The following MACC1 variants were observed in gnomAD, a reference collection of about 807,000 sequenced individuals.
MACC1 encodes MET transcriptional regulator MACC1, also known as metastasis-associated in colon cancer protein 1.
Under a neutral mutation model 70.7 loss-of-function variants are expected in MACC1, and 79 were observed. The ratio of observed to expected loss-of-function variants is 1.12; its 90% CI spans 0.93 to 1.35. MACC1 has a LOEUF of 1.35. MACC1 is among the 40% of genes most tolerant of loss of function. The probability of loss-of-function intolerance (pLI) is 0.00; values close to 1 mark genes in which losing one functional copy is unlikely to be tolerated. For synonymous variants in MACC1, 361 were observed against 347.2 expected, an observed-to-expected ratio of 1.04 and a Z score of -0.44; for missense variants, 1,106 against 978.1, an observed-to-expected ratio of 1.13 and a Z score of -1.74.
intron 1 of MACC1, among the ~76,000 whole-genome samples, chr7:20,175,758 A>T (rs912382821): frequency 2.0e-5 from 3 of 152,112 alleles, no homozygotes; most frequent in Non-Finnish European, 2.9e-5. Flanking sequence ...TTGGATGAAG[A>T]AATAGCATTT....
At chr7:20,161,612 C>G (rs965461778) in intron 4 of MACC1, 136 bp downstream of exon 4, 1 of 557,488 alleles carries the variant, frequency 1.8e-6, no homozygotes, top group Admixed American at 3.2e-5. Context: ...ATCTTTTTAA[C>G]TATTTCTATG....
rs1437840307 is a variant in MACC1 at position 20,159,187 on chromosome 7, C to G, written c.1174G>C (p.Gly392Arg). Residue 392 changes from glycine (G) to arginine (R), a missense_variant, in exon 5 of 7, where the codon GGA becomes CGA. By Grantham distance (125) the Gly-to-Arg change is moderately radical. Coordinates refer to ENST00000400331, the MANE Select transcript of MACC1 (RefSeq NM_182762.4). ...PSFTVVLTVC[G>R]HNYMPGQLTI... ...AGCTGTCCTGGCATATAATTGTGTC[C>G]ACAAACTGTTAAAACAACAGTAAAA... The G allele has an allele frequency of 1.2e-6, 2 of 1,613,800 alleles. No homozygotes were observed. Among genetic ancestry groups the G allele is most frequent in the Non-Finnish European group, 8.5e-7 (1 of 1,179,992 alleles).
intron 6 of MACC1, among the ~76,000 whole-genome samples, chr7:20,151,161 G>C (rs1173096835): frequency 1.3e-5 from 2 of 152,078 alleles, no homozygotes; most frequent in Non-Finnish European, 2.9e-5. Flanking sequence ...AAGCAAGGGG[G>C]CCAATGAGGG....
intron 1 of MACC1, among the ~76,000 whole-genome samples, chr7:20,189,674 C>T (rs1782642782): frequency 6.6e-6 from 1 of 151,734 alleles, no homozygotes; most frequent in Non-Finnish European, 1.5e-5. Flanking sequence ...TCTCTTAGTT[C>T]TAGGCCAGCG....
rs370750609 is a variant in MACC1, at chr7:20,134,723, A to G, written c.*6223T>C. 6.6e-6 allele frequency: 1 copy of G among 152,222 alleles called. No individual in the cohort carries two copies. The highest frequency in any genetic ancestry group is 2.4e-5 in the African/African-American group (1 of 41,456). 9.4% of individuals were successfully genotyped at this position (152,222 alleles called of 1,614,324 possible). A position where few individuals can be genotyped will look rare whatever the true frequency, so the allele number is the denominator to read the frequency against. On this transcript the variant is annotated 3_prime_UTR_variant, in exon 7 of 7. Transcript: ENST00000400331. ...ATGCCCCAGTAAATTCCATGTATTG[A>G]GTTTAAGTGAGCATATAAACATTAG...
intron 1 of MACC1, among the ~76,000 whole-genome samples, chr7:20,212,692 C>A (rs556784954): frequency 2.6e-5 from 4 of 151,874 alleles, no homozygotes; most frequent in Non-Finnish European, 4.4e-5. Flanking sequence ...AAGGTCCATT[C>A]TCCTCTCAAT....
chr7:20,180,373 G>A (rs954095021), intron 1 of MACC1, among the ~76,000 whole-genome samples: 37 of 151,486 alleles, frequency 2.4e-4, no homozygotes, highest in African/African-American at 8.7e-4. Context: ...AACCCGGGAG[G>A]AGGAGGTTGC....
chr7:20,187,696 G>A (rs1484232890), intron 1 of MACC1, among the ~76,000 whole-genome samples: 1 of 152,160 alleles, frequency 6.6e-6, no homozygotes, highest in Non-Finnish European at 1.5e-5. Context: ...GATCAGACTT[G>A]CTTTCAATTT....
Position 20,138,327 on chromosome 7 carries a change from G to A in MACC1, c.*2619C>T, listed in dbSNP as rs187662311. On this transcript the variant is annotated 3_prime_UTR_variant, in exon 7 of 7. Coordinates refer to ENST00000400331, the MANE Select transcript of MACC1 (RefSeq NM_182762.4). The stretch of plus-strand genomic sequence containing the variant: ...ATTCTCAATCACAATCATAATACAT[G>A]ATGCAATGTAAACCTTAAATTATTT... 1.8e-3 allele frequency: 281 copies of A among 152,010 alleles called. No individual in the cohort carries two copies. The highest frequency in any genetic ancestry group is 6.3e-3 in the African/African-American group (261 of 41,458). 9.4% of individuals were successfully genotyped at this position (152,010 alleles called of 1,614,324 possible). A position where few individuals can be genotyped will look rare whatever the true frequency, so the allele number is the denominator to read the frequency against.
chr7:20,144,533 T>C lies in MACC1; in HGVS notation c.2347-3375A>G, dbSNP rs1781857917. Among the ~76,000 whole-genome samples, 4 of 152,202 alleles carry C rather than the reference T, an allele frequency of 2.6e-5. No homozygotes were observed. In the South Asian group the frequency reaches 8.3e-4, roughly 32 times the overall value. On this transcript the variant is annotated intron_variant, in intron 6 of 6. Transcript: ENST00000400331. ...ATTTTTTTAATCTATAAAATATGGA[T>C]AATCATTCCCAAATTTTGTGTTCAA... is the stretch of plus-strand genomic sequence containing the variant.
intron 2 of MACC1, among the ~76,000 whole-genome samples, chr7:20,167,353 G>A (rs1178696802): frequency 3.3e-5 from 5 of 151,472 alleles, no homozygotes; most frequent in Admixed American, 1.3e-4. Context: ...ATGCCACCAC[G>A]CCCAGCTAAT....
At chr7:20,199,545 A>G (rs1430700095) in intron 1 of MACC1, among the ~76,000 whole-genome samples, 1 of 152,198 alleles carries the variant, frequency 6.6e-6, no homozygotes, top group Non-Finnish European at 1.5e-5. Flanking sequence ...CAACACCACT[A>G]TCCTCCACCC....
At position 20,159,508 on chromosome 7, in the gene MACC1, C is replaced by T. The variant is rs771634058; in HGVS notation, c.853G>A (p.Ala285Thr). The T allele has an allele frequency of 3.1e-6, 5 of 1,614,126 alleles. No homozygotes were observed. In the Admixed American group the frequency reaches 8.3e-5, roughly 27 times the overall value. ...IMLGNLNTME[A>T]LLLEMKIGAE... ...CCAATTTTCATCTCCAGCAAAAGGG[C>T]TTCCATTGTATTGAGGTTGCCTAAC... The change falls in exon 5 of 7, where the codon GCC becomes ACC. Residue 285 changes from alanine (A) to threonine (T), a missense_variant. By Grantham distance (58) the Ala-to-Thr change is moderately conservative (BLOSUM62 0). Transcript: ENST00000400331.
intron 6 of MACC1, among the ~76,000 whole-genome samples, chr7:20,147,096 T>C (rs921469469): frequency 6.6e-6 from 1 of 152,174 alleles, no homozygotes; most frequent in Non-Finnish European, 1.5e-5. Context: ...TTCAGTGTTA[T>C]AGGACAAAAT....
chr7:20,197,867 A>G (rs537735595), intron 1 of MACC1, among the ~76,000 whole-genome samples: 3 of 152,258 alleles, frequency 2.0e-5, no homozygotes, highest in East Asian at 3.9e-4. Context: ...TCTACCATGT[A>G]TTGTTTTTAT....
rs1782337434 is a variant in MACC1 at position 20,173,134 on chromosome 7, C to T, written c.-217-2356G>A. Among the ~76,000 whole-genome samples the T allele has an allele frequency of 3.9e-5, 6 of 152,228 alleles. No individual in the cohort carries two copies. The South Asian group carries it at 1.2e-3, about 32-fold the overall frequency. On this transcript the variant is annotated intron_variant, in intron 1 of 6. Transcript: ENST00000400331. ...TCATCCCAAAAATCCGAGATGGATC[C>T]CAGGCTTCATTTATTTTTATAAAAA...
At chr7:20,215,414 C>G (rs973468188) in intron 1 of MACC1, among the ~76,000 whole-genome samples, 1 of 152,118 alleles carries the variant, frequency 6.6e-6, no homozygotes, top group Non-Finnish European at 1.5e-5. Context: ...GACACTACAC[C>G]ATAGACGGCA....
intron 1 of MACC1, among the ~76,000 whole-genome samples, chr7:20,206,274 T>C (rs1477244718): frequency 6.6e-6 from 1 of 151,938 alleles, no homozygotes; most frequent in Admixed American, 6.6e-5. Context: ...GAATCACAGG[T>C]ACAATCATGA....
intron 1 of MACC1, among the ~76,000 whole-genome samples, chr7:20,174,281 A>G (rs908797022): frequency 2.0e-5 from 3 of 152,190 alleles, no homozygotes; most frequent in African/African-American, 4.8e-5. Flanking sequence ...GCTTTCCCCA[A>G]TCAGCATCTG....
Sources: gnomAD v4.1 joint callset for allele counts (sites outside exome capture counted in the v4.1 genomes callset) on GRCh38, gnomAD v4.1.1 for gene constraint, MANE v1.5 for transcripts, NCBI Gene and HGNC (gene_info 2026-07-23, HGNC 2026-07-21) for gene names.